ATP9A: variants seen among roughly 807,000 people sequenced by gnomAD.
The protein encoded by ATP9A is ATPase phospholipid transporting 9A.
A neutral mutation model predicts 144.1 loss-of-function variants in ATP9A; 52 were observed. The ratio of observed to expected loss-of-function variants is 0.36; its 90% CI spans 0.29 to 0.45. The LOEUF is 0.45. ATP9A is among the 20% of genes least tolerant of loss of function. ATP9A has a pLI of 1.00. For synonymous variants in ATP9A, 582 were observed against 557.4 expected (o/e 1.04, Z -0.62); for missense variants, 947 against 1,392.7 (o/e 0.68, Z 5.09).
rs763776697 is a variant in ATP9A at position 51,639,359 on chromosome 20, A to G, written c.1652T>C (p.Met551Thr). 6.2e-7 allele frequency: 1 copy of G among 1,613,648 alleles called. No homozygotes were observed. The highest frequency in any genetic ancestry group is 8.5e-7 in the Non-Finnish European group (1 of 1,179,834). ...ACGACTCACCCGCACGATGATGCCC[A>G]TACGTTTGCTTTCATAGGTGAAAGG... is the stretch of plus-strand genomic sequence containing the variant. ...IFPFTYESKRMGIIVRDESTG... is the reference protein window; with the variant it reads ...IFPFTYESKRTGIIVRDESTG... Residue 551 changes from methionine (M) to threonine (T), a missense_variant, in exon 15 of 28, where the codon ATG (methionine) becomes ACG (threonine). Met to Thr is a moderately conservative substitution (Grantham distance 81). This residue lies in a region of ATP9A where 770 missense variants were observed against 1,047.9 expected (regional missense o/e 0.73). Coordinates refer to ENST00000338821, the MANE Select transcript of ATP9A (RefSeq NM_006045.3).
At chr20:51,660,473 C>T (rs868560724) in intron 13 of ATP9A, among the ~76,000 whole-genome samples, 4 of 152,134 alleles carry the variant, frequency 2.6e-5, no homozygotes, top group Admixed American at 6.5e-5. Flanking sequence ...CATCTGACAA[C>T]GAATGAATTA....
Position 51,739,455 on chromosome 20 carries a change from C to G in ATP9A, c.69-9477G>C, listed in dbSNP as rs2077776040. ...CAAGCTCTGCCTCCCAGGTTCACGC[C>G]ATTCTCCTCCCTCAGCCTCCCGAGT... On this transcript the variant is annotated intron_variant, in intron 1 of 27. Transcript: ENST00000338821. Among the ~76,000 whole-genome samples, 3 of 151,394 alleles carry G rather than the reference C, an allele frequency of 2.0e-5. No individual in the cohort carries two copies. In the South Asian group the frequency reaches 6.3e-4, roughly 32 times the overall value.
chr20:51,642,687 C>T (rs1173601725), intron 14 of ATP9A, among the ~76,000 whole-genome samples: 1 of 120,514 alleles, frequency 8.3e-6, no homozygotes, highest in Admixed American at 1.1e-4. Flanking sequence ...AACCATGCCA[C>T]TGCACTCTAG....
intron 10 of ATP9A, among the ~76,000 whole-genome samples, chr20:51,675,250 A>ATT (rs1380120005): frequency 6.6e-6 from 1 of 152,256 alleles, no homozygotes; most frequent in Admixed American, 6.5e-5. Flanking sequence ...TATAGTTGTA[A>ATT]TGATGGCTGT....
chr20:51,731,687 C>G (rs1421282788), intron 1 of ATP9A, among the ~76,000 whole-genome samples: 1 of 151,770 alleles, frequency 6.6e-6, no homozygotes, highest in Non-Finnish European at 1.5e-5. Context: ...CCACTGCACT[C>G]CAGCCTGGGT....
intron 15 of ATP9A, among the ~76,000 whole-genome samples, chr20:51,633,565 G>C (rs1039066856): frequency 3.9e-5 from 6 of 152,264 alleles, no homozygotes; most frequent in East Asian, 3.9e-4. Flanking sequence ...GTGCAACACA[G>C]AGAGACTTTG....
intron 15 of ATP9A, among the ~76,000 whole-genome samples, chr20:51,633,477 G>A (rs919569556): frequency 2.0e-5 from 3 of 152,186 alleles, no homozygotes; most frequent in Admixed American, 6.5e-5. Flanking sequence ...CAGGCACGGT[G>A]GCTCACGCCT....
At chr20:51,676,307 T>TC in intron 9 of ATP9A, 99 bp from the exon 10 acceptor site, 3 of 949,646 alleles carry the variant, frequency 3.2e-6, no homozygotes, top group Non-Finnish European at 4.6e-6. Context: ...GAGACTGGGT[T>TC]CTTTTTTTTT....
intron 9 of ATP9A, among the ~76,000 whole-genome samples, chr20:51,685,510 C>A (rs2077519367): frequency 1.3e-5 from 2 of 151,704 alleles, no homozygotes; most frequent in East Asian, 3.9e-4. Flanking sequence ...TTGCAGTGAG[C>A]CAAGATCACA....
chr20:51,642,888 A>G (rs2038219), intron 14 of ATP9A, among the ~76,000 whole-genome samples: 109,159 of 151,738 alleles, frequency 0.72, 40,668 homozygotes, highest in Middle Eastern at 0.81. Flanking sequence ...ATGTCATCTT[A>G]GCTGACCTGC....
At chr20:51,734,716 C>T (rs951736402) in intron 1 of ATP9A, 2 of 184,872 alleles carry the variant, frequency 1.1e-5, no homozygotes, top group Non-Finnish European at 2.4e-5. Flanking sequence ...TGGGTGAACC[C>T]CAAGTTCCTG....
At chr20:51,695,649 T>A (rs1192428122) in intron 6 of ATP9A, among the ~76,000 whole-genome samples, 1 of 152,102 alleles carries the variant, frequency 6.6e-6, no homozygotes, top group Non-Finnish European at 1.5e-5. Flanking sequence ...CAAGGTCCCC[T>A]GACTCATGAA....
Position 51,696,217 on chromosome 20 carries a change from G to T in ATP9A, c.496-73C>A, listed in dbSNP as rs545059519. 2.8e-6 allele frequency: 4 copies of T among 1,421,776 alleles called. No homozygotes were observed. In the East Asian group the frequency reaches 6.9e-5, roughly 24 times the overall value. The allele number at this position is 1,421,776 out of a possible 1,614,324, so 88.1% of individuals were successfully genotyped here. On this transcript the variant is annotated intron_variant, in intron 5 of 27. Transcript: ENST00000338821. ...CTGTGCGGTGGGGAGGGGGGCTTCC[G>T]CCCCCACCCCCAACCCCTCGGTGGG... is the stretch of plus-strand genomic sequence containing the variant.
chr20:51,603,351 C>T (rs867253878), intron 27 of ATP9A, among the ~76,000 whole-genome samples: 2 of 152,160 alleles, frequency 1.3e-5, no homozygotes, highest in African/African-American at 2.4e-5. Flanking sequence ...GAGTTTGCCC[C>T]GTGCGGGGGA....
At chr20:51,760,398 C>T (rs186420334) in intron 1 of ATP9A, among the ~76,000 whole-genome samples, 4 of 152,056 alleles carry the variant, frequency 2.6e-5, no homozygotes, top group African/African-American at 9.7e-5. Context: ...GTTCCATATT[C>T]GAAAATTCAG....
rs2077185395 is a variant in ATP9A at position 51,611,658 on chromosome 20, T to A, written c.2572-1493A>T. Among the ~76,000 whole-genome samples the A allele has an allele frequency of 6.6e-6, 1 of 152,174 alleles. No individual in the cohort carries two copies. Among genetic ancestry groups the A allele is most frequent in the Non-Finnish European group, 1.5e-5 (1 of 68,034 alleles). ...TTCTACATCAATGTTAACAGTAACA[T>A]CCAGTTTTTGAAGAAGTCAGCTCAT... On this transcript the variant is annotated intron_variant, in intron 23 of 27. Coordinates refer to ENST00000338821, the MANE Select transcript of ATP9A (RefSeq NM_006045.3). The surrounding 1 kb of genome is among the most constrained non-coding windows in gnomAD (Gnocchi z 4.2).
At chr20:51,709,657 G>A (rs984894206) in intron 4 of ATP9A, among the ~76,000 whole-genome samples, 2 of 152,166 alleles carry the variant, frequency 1.3e-5, no homozygotes, top group Admixed American at 6.6e-5. Context: ...AGCCTGGAAG[G>A]CGGAGGTTGC....
intron 4 of ATP9A, among the ~76,000 whole-genome samples, chr20:51,704,920 A>G (rs2077608965): frequency 6.6e-6 from 1 of 152,258 alleles, no homozygotes; most frequent in African/African-American, 2.4e-5. Context: ...AAATTTGGGA[A>G]GGGAATTCTT....
chr20:51,625,633 G>A (rs1320383334), intron 17 of ATP9A, among the ~76,000 whole-genome samples: 1 of 152,170 alleles, frequency 6.6e-6, no homozygotes, highest in Non-Finnish European at 1.5e-5. Flanking sequence ...CTGAGCCGTG[G>A]CCACGAAATG....
Sources: gnomAD v4.1 joint callset for allele counts (sites outside exome capture counted in the v4.1 genomes callset) on GRCh38, gnomAD v4.1.1 for gene constraint, gnomAD v4.1.1 regional missense constraint, Gnocchi (gnomAD v3.1) non-coding constraint, MANE v1.5 for transcripts, NCBI Gene and HGNC (gene_info 2026-07-23, HGNC 2026-07-21) for gene names.